Variants in PMFBP1 observed in about 807,000 individuals in gnomAD.
The protein encoded by PMFBP1 is polyamine-modulated factor 1-binding protein 1.
PMFBP1 carries 131 observed loss-of-function variants against 137.8 expected under a neutral mutation model. The observed-to-expected ratio is 0.95, with a 90% confidence interval of 0.82 to 1.10. The LOEUF is 1.10. Ranked by LOEUF, PMFBP1 falls within the 50% of genes least tolerant of loss-of-function variation. The pLI is 0.00. For synonymous variants in PMFBP1, 490 were observed against 450.4 expected (o/e 1.09, Z -1.11); for missense variants, 1,199 against 1,175.4 (o/e 1.02, Z -0.29).
chr16:72,158,680 A>G (rs1417202281), intron 3 of PMFBP1, among the ~76,000 whole-genome samples: 1 of 152,204 alleles, frequency 6.6e-6, no homozygotes, highest in Non-Finnish European at 1.5e-5. Flanking sequence ...AGAAGGGCTT[A>G]TTTTAGTATA....
chr16:72,201,150 C>T, the PMFBP1 span, among the ~76,000 whole-genome samples: 5 of 152,140 alleles, frequency 3.3e-5, no homozygotes, highest in East Asian at 1.9e-4. Flanking sequence ...CCCAGCTCTT[C>T]CCCCCTCCCC....
upstream of PMFBP1, among the ~76,000 whole-genome samples, chr16:72,175,167 C>T (rs571919839): frequency 6.6e-5 from 10 of 152,348 alleles, no homozygotes; most frequent in African/African-American, 2.2e-4. Context: ...CTCTGCCCTT[C>T]GATCACTAAA....
At chr16:72,216,128 C>G in the PMFBP1 span, among the ~76,000 whole-genome samples, 1 of 152,116 alleles carries the variant, frequency 6.6e-6, no homozygotes, top group South Asian at 2.1e-4. Context: ...CCTCCTTGCT[C>G]TTTCTTTGCT....
the PMFBP1 span, among the ~76,000 whole-genome samples, chr16:72,239,901 G>GAAAAAAAAAAAAAA: frequency 2.3e-5 from 2 of 87,788 alleles, no homozygotes; most frequent in Non-Finnish European, 4.3e-5. Context: ...AAAAAAAAAA[G>GAAAAAAAAAAAAAA]AAAAAAAAAA....
chr16:72,187,076 G>C, the PMFBP1 span, among the ~76,000 whole-genome samples: 1 of 147,908 alleles, frequency 6.8e-6, no homozygotes, highest in African/African-American at 2.5e-5. Flanking sequence ...TTACACCACT[G>C]CACTCCAGGC....
At chr16:72,143,327 T>C (rs895677719) in intron 5 of PMFBP1, among the ~76,000 whole-genome samples, 23 of 152,140 alleles carry the variant, frequency 1.5e-4, no homozygotes, top group Admixed American at 2.0e-4. Flanking sequence ...AGATGGAAAA[T>C]AAGTTGTGTA....
At chr16:72,241,766 A>G in the PMFBP1 span, among the ~76,000 whole-genome samples, 1 of 152,096 alleles carries the variant, frequency 6.6e-6, no homozygotes, top group Non-Finnish European at 1.5e-5. Flanking sequence ...TTCTTTTTCA[A>G]ATGTAAGTTT....
downstream of PMFBP1, among the ~76,000 whole-genome samples, chr16:72,117,160 A>G (rs768190860): frequency 4.6e-5 from 7 of 151,658 alleles, no homozygotes; most frequent in African/African-American, 7.3e-5. Flanking sequence ...GTTTCTGTTT[A>G]TGTCTTCTTT....
chr16:72,146,278 T>G (rs1446031848), intron 5 of PMFBP1, among the ~76,000 whole-genome samples: 1 of 152,150 alleles, frequency 6.6e-6, no homozygotes, highest in Non-Finnish European at 1.5e-5. Context: ...AAAAACCACA[T>G]GATTACCTCA....
chr16:72,180,479 A>G (rs1270432668), upstream of PMFBP1, among the ~76,000 whole-genome samples: 2 of 152,292 alleles, frequency 1.3e-5, no homozygotes, highest in African/African-American at 4.8e-5. Context: ...TATCGACCAC[A>G]TTGACTGAAG....
intron 10 of PMFBP1, among the ~76,000 whole-genome samples, 195 bp downstream of exon 10, chr16:72,132,553 T>C (rs574130980): frequency 3.3e-4 from 50 of 151,908 alleles, no homozygotes; most frequent in Non-Finnish European, 5.3e-4. Context: ...GCAGGTGAGC[T>C]TGGGAGTGGG....
At chr16:72,200,067 G>T in the PMFBP1 span, among the ~76,000 whole-genome samples, 3 of 152,258 alleles carry the variant, frequency 2.0e-5, no homozygotes, top group African/African-American at 7.2e-5. Flanking sequence ...TACATGGCAA[G>T]CTGTTGGTAG....
At chr16:72,170,249 A>G (rs1194726830) in intron 2 of PMFBP1, among the ~76,000 whole-genome samples, 1 of 151,372 alleles carries the variant, frequency 6.6e-6, no homozygotes, top group Non-Finnish European at 1.5e-5. Flanking sequence ...CAGAACTGGT[A>G]TGAAGTTCTG....
intron 5 of PMFBP1, among the ~76,000 whole-genome samples, chr16:72,146,275 A>G (rs1567632237): frequency 6.6e-6 from 1 of 152,234 alleles, no homozygotes; most frequent in Non-Finnish European, 1.5e-5. Context: ...GACAAAAACC[A>G]CATGATTACC....
downstream of PMFBP1, among the ~76,000 whole-genome samples, chr16:72,117,735 G>A (rs1253022329): frequency 2.0e-5 from 3 of 147,456 alleles, no homozygotes; most frequent in African/African-American, 7.6e-5. Flanking sequence ...GAGTGTTGTT[G>A]TAACCATTTC....
At chr16:72,177,385 C>T (rs1223886226), upstream of PMFBP1, among the ~76,000 whole-genome samples, 1 of 152,200 alleles carries the variant, frequency 6.6e-6, no homozygotes, top group Non-Finnish European at 1.5e-5. Flanking sequence ...TGTACCCTTT[C>T]CCCCTTACAG....
At chr16:72,196,531 C>A in the PMFBP1 span, among the ~76,000 whole-genome samples, 1 of 152,316 alleles carries the variant, frequency 6.6e-6, no homozygotes, top group East Asian at 1.9e-4. Flanking sequence ...CTAACCCTAC[C>A]ATTTCACTCA....
intron 5 of PMFBP1, among the ~76,000 whole-genome samples, chr16:72,148,378 G>A (rs1248237465): frequency 2.0e-5 from 3 of 151,392 alleles, no homozygotes; most frequent in African/African-American, 7.3e-5. Flanking sequence ...CGGGGGGTGG[G>A]GGGCTGGAGG....
chr16:72,138,251 T>A (rs2042663273), intron 7 of PMFBP1, among the ~76,000 whole-genome samples: 1 of 152,158 alleles, frequency 6.6e-6, no homozygotes, highest in East Asian at 1.9e-4. Context: ...GATTGGAAAG[T>A]CCTGGAAAGA....
Sources: gnomAD v4.1 joint callset for allele counts (sites outside exome capture counted in the v4.1 genomes callset) on GRCh38, gnomAD v4.1.1 for gene constraint, MANE v1.5 for transcripts, NCBI Gene and HGNC (gene_info 2026-07-23, HGNC 2026-07-21) for gene names.